Variants in MRPL45 observed in about 807,000 individuals in gnomAD.
MRPL45 encodes the protein large ribosomal subunit protein mL45.
Under a neutral mutation model 38.1 loss-of-function variants are expected in MRPL45, and 20 were observed. That is an observed-to-expected ratio of 0.53 (90% CI 0.37 to 0.76). The LOEUF is 0.76. Among genes scored for constraint, MRPL45 ranks in the 30% least tolerant of loss-of-function variants. MRPL45 has a pLI of 0.00. For missense variants in MRPL45, 337 were observed against 395.6 expected (o/e 0.85, Z 1.26); for synonymous variants, 105 against 128.8 (o/e 0.82, Z 1.25).
At chr17:38,311,684 CAA>C (rs756151374) in intron 4 of MRPL45, among the ~76,000 whole-genome samples, 1,737 of 92,278 alleles carry the variant, frequency 0.019, 29 homozygotes, top group African/African-American at 0.059. Context: ...GACTCCGTCT[CAA>C]AAAAAAAAAA....
intron 5 of MRPL45, 139 bp from the exon 6 acceptor site, chr17:38,320,479 A>G (rs945474705): frequency 1.4e-5 from 12 of 834,666 alleles, no homozygotes; most frequent in Non-Finnish European, 2.1e-5. Context: ...TGCAAGAGAA[A>G]ATAGGCACAA....
At chr17:38,299,797 C>T (rs2036974017) in intron 3 of MRPL45, among the ~76,000 whole-genome samples, 1 of 151,540 alleles carries the variant, frequency 6.6e-6, no homozygotes, top group South Asian at 2.1e-4. Flanking sequence ...AATGCAATGG[C>T]ACGATCTTGG....
chr17:38,303,542 C>G (rs547442692), intron 3 of MRPL45, among the ~76,000 whole-genome samples: 17 of 151,864 alleles, frequency 1.1e-4, no homozygotes, highest in African/African-American at 4.1e-4. Context: ...TATCTACCTG[C>G]CTCAGCCTCC....
chr17:38,300,940 C>CT (rs1180881202), intron 3 of MRPL45, among the ~76,000 whole-genome samples: 7 of 152,074 alleles, frequency 4.6e-5, no homozygotes, highest in African/African-American at 1.7e-4. Context: ...GGGCGAAACT[C>CT]TGTCTCAAAA....
chr17:38,319,192 C>T (rs2037206877), intron 5 of MRPL45, among the ~76,000 whole-genome samples: 1 of 151,944 alleles, frequency 6.6e-6, no homozygotes, highest in African/African-American at 2.4e-5. Context: ...CCCGCCAGCA[C>T]ACCCGGCTAA....
At chr17:38,300,819 G>A (rs1157777197) in intron 3 of MRPL45, among the ~76,000 whole-genome samples, 3 of 152,142 alleles carry the variant, frequency 2.0e-5, no homozygotes, top group East Asian at 1.9e-4. Flanking sequence ...GGTGGCACAT[G>A]CCTGTAATCC....
At chr17:38,297,363 A>G in intron 1 of MRPL45, 114 bp downstream of exon 1, 3 of 1,014,700 alleles carry the variant, frequency 3.0e-6, no homozygotes, top group Non-Finnish European at 4.6e-6. Context: ...AGTCATACCT[A>G]GGCCGGGGAA....
intron 5 of MRPL45, among the ~76,000 whole-genome samples, chr17:38,318,994 A>AT (rs1224335439): frequency 1.4e-5 from 2 of 140,094 alleles, no homozygotes; most frequent in East Asian, 2.1e-4. Flanking sequence ...TGCCCAGCTA[A>AT]TTTTTTATTT....
chr17:38,304,274 G>C (rs866085399), intron 3 of MRPL45, among the ~76,000 whole-genome samples: 4 of 152,158 alleles, frequency 2.6e-5, no homozygotes, highest in Admixed American at 6.6e-5. Context: ...TTGAATACCA[G>C]CTGGGCAACA....
chr17:38,318,686 G>A lies in MRPL45; in HGVS notation c.462-1G>A, dbSNP rs1413768390. 2 of 1,604,874 alleles carry A rather than the reference G, an allele frequency of 1.2e-6. No individual in the cohort carries two copies. Among genetic ancestry groups the A allele is most frequent in the African/African-American group, 2.7e-5 (2 of 74,452 alleles). On this transcript the variant is annotated splice_acceptor_variant, in intron 4 of 7. Transcript: ENST00000613675. LOFTEE classifies it high-confidence loss of function. ...ATGATATTTATTGCTTTCTTTTCTA[G>A]CTCAGACCATGACCGGCTTCATACC...
intron 6 of MRPL45, 93 bp downstream of exon 6, chr17:38,320,860 T>C: frequency 8.3e-7 from 1 of 1,209,852 alleles, no homozygotes; most frequent in Non-Finnish European, 1.2e-6. Flanking sequence ...CCCAGGACTG[T>C]AGACAGTAAT....
intron 4 of MRPL45, among the ~76,000 whole-genome samples, chr17:38,308,719 C>T (rs568478683): frequency 2.0e-5 from 3 of 151,524 alleles, no homozygotes; most frequent in South Asian, 2.1e-4. Flanking sequence ...GGATTACAGG[C>T]GTGAGCCAAC....
intron 4 of MRPL45, among the ~76,000 whole-genome samples, chr17:38,313,297 T>TAAAAAAAA (rs879236168): frequency 5.4e-5 from 1 of 18,526 alleles, no homozygotes; most frequent in Non-Finnish European, 1.3e-4. Context: ...TCCTTTCTAT[T>TAAAAAAAA]AAAAAAAAAA....
At chr17:38,305,481 A>AG (rs2037043551) in intron 3 of MRPL45, among the ~76,000 whole-genome samples, 1 of 150,544 alleles carries the variant, frequency 6.6e-6, no homozygotes, top group Admixed American at 6.6e-5. Context: ...AAAAAAAAAA[A>AG]AAGAAGCCCA....
At position 38,320,729 on chromosome 17, in the gene MRPL45, G is replaced by T. The variant is rs1356586760; in HGVS notation, c.622G>T (p.Val208Leu). The T allele has an allele frequency of 8.7e-6, 14 of 1,614,024 alleles. No individual in the cohort carries two copies. Among genetic ancestry groups the T allele is most frequent in the Admixed American group, 3.3e-5 (2 of 59,990 alleles). The change falls in exon 6 of 8, where the codon GTG (valine) becomes TTG (leucine). Residue 208 changes from valine (V) to leucine (L), a missense_variant. Coordinates refer to ENST00000613675, the MANE Select transcript of MRPL45 (RefSeq NM_032351.6). ...RCSSMMNQGN[V>L]YGQITVRMHT... ...TTCAAGTATGATGAACCAGGGCAAC[G>T]TGTACGGCCAGATCACCGTACGCAT...
chr17:38,309,623 A>G (rs1424021310), intron 4 of MRPL45, among the ~76,000 whole-genome samples: 1 of 6,182 alleles, frequency 1.6e-4, no homozygotes. Flanking sequence ...TTTTATTTTT[A>G]TTTTTTAGTT....
At chr17:38,313,263 G>A (rs1289954650) in intron 4 of MRPL45, among the ~76,000 whole-genome samples, 1 of 142,174 alleles carries the variant, frequency 7.0e-6, no homozygotes. Context: ...GATTACAGGC[G>A]TGAGCTATTG....
In MRPL45 at chr17:38,299,419, C is replaced by G. The variant is rs2036969641; in HGVS notation, c.313C>G (p.Leu105Val). The change falls in exon 3 of 8, where the codon CTG (leucine) becomes GTG (valine). Residue 105 changes from leucine to valine, a missense_variant. This residue lies in a region of MRPL45 where 251 missense variants were observed against 269.1 expected (regional missense o/e 0.93). Coordinates refer to ENST00000613675, the MANE Select transcript of MRPL45 (RefSeq NM_032351.6). ...CATATCATCTCTTTCAAAGGAGGGA[C>G]TGATAGAGAGAACTGAACGAATGAA... ...ARISSLSKEG[L>V]IERTERMKKT... 6.2e-7 allele frequency: 1 copy of G among 1,612,670 alleles called. No homozygotes were observed. The highest frequency in any genetic ancestry group is 8.5e-7 in the Non-Finnish European group (1 of 1,179,726).
intron 2 of MRPL45, 121 bp from the exon 3 acceptor site, chr17:38,299,230 G>A (rs2036967066): frequency 3.1e-6 from 2 of 638,898 alleles, no homozygotes; most frequent in Non-Finnish European, 5.3e-6. Context: ...TCTCTACATG[G>A]AAGTCTGTTT....
Sources: allele counts gnomAD v4.1 joint callset (sites outside exome capture counted in the v4.1 genomes callset), GRCh38; gene constraint gnomAD v4.1.1; regional missense constraint gnomAD v4.1.1; transcripts MANE v1.5; gene names NCBI Gene and HGNC (gene_info 2026-07-23, HGNC 2026-07-21).